GSE1: variants seen among roughly 807,000 people sequenced by gnomAD.
GSE1 encodes the protein Gse1 coiled-coil protein.
In GSE1, 32 loss-of-function variants were observed where a neutral mutation model predicts 112.6. The ratio of observed to expected loss-of-function variants is 0.28; its 90% CI spans 0.21 to 0.38. GSE1 has a LOEUF of 0.38. GSE1 is among the 10% of genes least tolerant of loss of function. The pLI, the probability that GSE1 is intolerant of heterozygous loss-of-function variation, is 1.00. For missense variants in GSE1, 2,348 were observed against 1,699.2 expected, an observed-to-expected ratio of 1.38 and a Z score of -6.71; for synonymous variants, 1,115 against 735.6, an observed-to-expected ratio of 1.52 and a Z score of -8.35.
chr16:85,361,233 C>T (rs1302439289), intron 2 of GSE1, among the ~76,000 whole-genome samples: 2 of 137,232 alleles, frequency 1.5e-5, no homozygotes, highest in Non-Finnish European at 3.1e-5. Context: ...GGGGCAGAGA[C>T]ACACATAGAC....
chr16:85,470,291 G>A (rs1317329021), intron 2 of GSE1, among the ~76,000 whole-genome samples: 1 of 152,330 alleles, frequency 6.6e-6, no homozygotes, highest in East Asian at 1.9e-4. Context: ...CCACTGACTT[G>A]GAGTGCCTCT....
intron 1 of GSE1, among the ~76,000 whole-genome samples, chr16:85,216,901 T>A (rs1014080398): frequency 6.6e-6 from 1 of 152,220 alleles, no homozygotes; most frequent in Non-Finnish European, 1.5e-5. Context: ...AACTGCAGAA[T>A]GAGTTTGCAG....
At chr16:85,310,654 C>CAGGG (rs957331021) in intron 1 of GSE1, among the ~76,000 whole-genome samples, 8 of 152,182 alleles carry the variant, frequency 5.3e-5, no homozygotes, top group South Asian at 2.1e-4. Flanking sequence ...CCCAGGCTGG[C>CAGGG]AGGGAGGGAG....
intron 2 of GSE1, among the ~76,000 whole-genome samples, chr16:85,489,378 G>A (rs186441404): frequency 9.1e-4 from 138 of 152,106 alleles, no homozygotes; most frequent in African/African-American, 3.1e-3. Context: ...TGGGGGCTGG[G>A]GGGCTGCCTA....
chr16:85,223,561 G>C (rs2075430709), intron 1 of GSE1, among the ~76,000 whole-genome samples: 1 of 152,002 alleles, frequency 6.6e-6, no homozygotes, highest in African/African-American at 2.4e-5. Context: ...AGATACACGT[G>C]ACATAAAATT....
chr16:85,287,045 C>G (rs1464009342), intron 1 of GSE1, among the ~76,000 whole-genome samples: 1 of 152,244 alleles, frequency 6.6e-6, no homozygotes, highest in African/African-American at 2.4e-5. Flanking sequence ...TCTTGTTTCT[C>G]CAGCGCCTCT....
Position 85,656,379 on chromosome 16 carries a change from G to A in GSE1, c.1026G>A (p.Glu342=). 1 of 1,463,966 alleles carries A rather than the reference G, an allele frequency of 6.8e-7. No individual in the cohort carries two copies. The allele number at this position is 1,463,966 out of a possible 1,614,324, so 90.7% of individuals were successfully genotyped here. The change falls in exon 7 of 16, where the codon GAG becomes GAA. Residue 342 remains glutamate (E), a synonymous_variant. Coordinates refer to ENST00000253458, the MANE Select transcript of GSE1 (RefSeq NM_014615.5). Reference sequence around the variant, plus strand: ...ACGAGGAGCTAAGGCGGGAGAGGGAGCGCGAGCGCGAGCGCGAGCGTGAGC... The same window carrying A: ...ACGAGGAGCTAAGGCGGGAGAGGGAACGCGAGCGCGAGCGCGAGCGTGAGC... The part of the protein sequence containing the change: ...QMDEELRRER[E]RERERERERE...
chr16:85,217,905 T>A (rs115626540), intron 1 of GSE1, among the ~76,000 whole-genome samples: 1,726 of 152,130 alleles, frequency 0.011, 40 homozygotes, highest in African/African-American at 0.04. Context: ...AATTTATTTT[T>A]TATATATATT....
intron 2 of GSE1, among the ~76,000 whole-genome samples, chr16:85,504,797 G>A (rs982973814): frequency 6.6e-6 from 1 of 152,150 alleles, no homozygotes; most frequent in Non-Finnish European, 1.5e-5. Flanking sequence ...AGAACAAGGG[G>A]GTACAGAGCT....
chr16:85,305,706 C>T (rs1457794292), intron 1 of GSE1, among the ~76,000 whole-genome samples: 2 of 151,878 alleles, frequency 1.3e-5, no homozygotes, highest in Non-Finnish European at 2.9e-5. Context: ...GAACTCCCGA[C>T]CTCAGGTGAT....
chr16:85,622,375 CCTTT>C (rs1433637070), intron 1 of GSE1, among the ~76,000 whole-genome samples: 15 of 151,130 alleles, frequency 9.9e-5, no homozygotes, highest in African/African-American at 3.7e-4. Flanking sequence ...GGTTCTGGGC[CCTTT>C]CTTTTTCCAC....
chr16:85,632,919 G>T (rs1044451290), intron 1 of GSE1, among the ~76,000 whole-genome samples: 3 of 152,212 alleles, frequency 2.0e-5, no homozygotes, highest in African/African-American at 7.2e-5. Flanking sequence ...GACACACGGG[G>T]TGGGCGGACT....
chr16:85,342,035 G>A (rs571047268), intron 1 of GSE1, among the ~76,000 whole-genome samples: 134 of 152,168 alleles, frequency 8.8e-4, no homozygotes, highest in African/African-American at 3.1e-3. Context: ...ACAGGGACTT[G>A]CAGGTGAGCA....
chr16:85,260,073 G>A (rs372452418), intron 1 of GSE1, among the ~76,000 whole-genome samples: 2 of 152,128 alleles, frequency 1.3e-5, no homozygotes, highest in Non-Finnish European at 2.9e-5. Flanking sequence ...TGGTGTCCCC[G>A]TGTGAGCCCC....
At chr16:85,180,993 T>G (rs1228249461) in intron 1 of GSE1, among the ~76,000 whole-genome samples, 1 of 152,244 alleles carries the variant, frequency 6.6e-6, no homozygotes, top group Admixed American at 6.5e-5. Flanking sequence ...ACGTTTTAAG[T>G]CATTTTCAGA....
At chr16:85,242,867 A>G (rs1236415632) in intron 1 of GSE1, among the ~76,000 whole-genome samples, 1 of 152,194 alleles carries the variant, frequency 6.6e-6, no homozygotes. Context: ...GCTGGAGTGC[A>G]GTAGTGTGAT....
At chr16:85,361,896 C>T (rs951718681) in intron 2 of GSE1, among the ~76,000 whole-genome samples, 2 of 152,032 alleles carry the variant, frequency 1.3e-5, no homozygotes, top group East Asian at 3.8e-4. Flanking sequence ...ATCAGACTTG[C>T]GTCACTACGG....
chr16:85,340,124 T>C (rs943647960), intron 1 of GSE1, among the ~76,000 whole-genome samples: 5 of 152,190 alleles, frequency 3.3e-5, no homozygotes, highest in African/African-American at 4.8e-5. Context: ...AGAATCATCA[T>C]GCAAGGCTGA....
intron 1 of GSE1, among the ~76,000 whole-genome samples, chr16:85,574,951 G>C (rs1307080028): frequency 6.6e-6 from 1 of 152,142 alleles, no homozygotes; most frequent in African/African-American, 2.4e-5. Context: ...GCTTGTCTTC[G>C]CACCCTCCCG....
Sources: gnomAD v4.1 joint callset for allele counts (sites outside exome capture counted in the v4.1 genomes callset) on GRCh38, gnomAD v4.1.1 for gene constraint, MANE v1.5 for transcripts, NCBI Gene and HGNC (gene_info 2026-07-23, HGNC 2026-07-21) for gene names.